USH2A: variants seen among roughly 807,000 people sequenced by gnomAD.
The protein encoded by USH2A is Usher syndrome 2A (autosomal recessive, mild).
A neutral mutation model predicts 538.9 loss-of-function variants in USH2A; 443 were observed. That is an observed-to-expected ratio of 0.82 (90% CI 0.76 to 0.89). The LOEUF (loss-of-function observed/expected upper bound fraction) is 0.89. Among genes scored for constraint, USH2A ranks in the 40% least tolerant of loss-of-function variants. USH2A has a pLI of 0.00. For missense variants in USH2A, 6,633 were observed against 6,324.8 expected (o/e 1.05, Z -1.65); for synonymous variants, 2,413 against 2,273.5 (o/e 1.06, Z -1.75).
At position 215,674,359 on chromosome 1, in the gene USH2A, T is replaced by G; in HGVS notation, c.13552A>C (p.Ile4518Leu). Residue 4518 changes from isoleucine to leucine, a missense_variant, in exon 63 of 72, where the codon ATT becomes CTT. By Grantham distance (5) the Ile-to-Leu change is conservative. Coordinates refer to ENST00000307340, the MANE Select transcript of USH2A (RefSeq NM_206933.4). ...CGATCTTTGACAAGAGGACTCAAAA[T>G]ACCCCCTTGGCTGTTGCTGGCAGTT... ...TVTASNSQGG[I>L]LSPLVKDRTS... is the part of the protein sequence containing the mutation. 6.2e-7 allele frequency: 1 copy of G among 1,613,962 alleles called. No individual in the cohort carries two copies. The highest frequency in any genetic ancestry group is 8.5e-7 in the Non-Finnish European group (1 of 1,179,900).
intron 47 of USH2A, among the ~76,000 whole-genome samples, chr1:215,819,045 C>T (rs1402456856): frequency 6.6e-6 from 1 of 151,532 alleles, no homozygotes; most frequent in African/African-American, 2.4e-5. Flanking sequence ...TTTTATGATT[C>T]TAGAATTTCT....
At chr1:216,307,387 A>G (rs1168107044) in intron 9 of USH2A, among the ~76,000 whole-genome samples, 6 of 152,018 alleles carry the variant, frequency 3.9e-5, no homozygotes, top group Non-Finnish European at 7.4e-5. Flanking sequence ...CTCCCATGCA[A>G]CCCAAAAGGC....
chr1:215,989,876 T>C (rs978252381), intron 35 of USH2A, among the ~76,000 whole-genome samples: 1 of 152,032 alleles, frequency 6.6e-6, no homozygotes, highest in Non-Finnish European at 1.5e-5. Context: ...TTGGAAAATG[T>C]AGTAAATACC....
intron 13 of USH2A, among the ~76,000 whole-genome samples, chr1:216,242,485 C>G (rs2035958984): frequency 6.6e-6 from 1 of 151,902 alleles, no homozygotes; most frequent in Non-Finnish European, 1.5e-5. Context: ...ACAAGGTCAT[C>G]TCATTGGGCT....
Position 216,418,741 on chromosome 1 carries a change from T to G in USH2A, c.486-62A>C, listed in dbSNP as rs1022412971. ...ATCCAACCAAAAAGACATGCTAAGG[T>G]ATTGTGCAGTTACAGTGGTGTTAAA... is the stretch of plus-strand genomic sequence containing the variant. On this transcript the variant is annotated intron_variant, in intron 2 of 71. Coordinates refer to ENST00000307340, the MANE Select transcript of USH2A (RefSeq NM_206933.4). 2.5e-6 allele frequency: 4 copies of G among 1,585,620 alleles called. No individual in the cohort carries two copies. In the African/African-American group the frequency reaches 5.4e-5, roughly 21 times the overall value.
Position 216,370,677 on chromosome 1 carries a change from CAA to C in USH2A, c.652-5594_652-5593del, listed in dbSNP as rs58845914. ...TGGGGAACAGAGCCAGACTCTGTCT[CAA>C]AAAAAAAAAAAAAAAAAAAAAAATA... On this transcript the variant is annotated intron_variant, in intron 3 of 71. Coordinates refer to ENST00000307340, the MANE Select transcript of USH2A (RefSeq NM_206933.4). 2.0e-3 allele frequency among the ~76,000 whole-genome samples: 61 copies of C among 29,988 alleles called. 1 individual carries two copies. The highest frequency in any genetic ancestry group is 2.9e-3 in the East Asian group (2 of 698). The allele number at this position is 29,988 out of a possible 152,430, so 19.7% of individuals were successfully genotyped here.
intron 63 of USH2A, among the ~76,000 whole-genome samples, chr1:215,673,076 A>G (rs905068299): frequency 3.9e-5 from 6 of 152,200 alleles, no homozygotes; most frequent in Admixed American, 3.9e-4. Context: ...TAATGCCCTG[A>G]ATCAGTGTAA....
At chr1:216,355,359 GAAAGAAAGAAA>G (rs2038370867) in intron 4 of USH2A, among the ~76,000 whole-genome samples, 1 of 149,458 alleles carries the variant, frequency 6.7e-6, no homozygotes, top group Non-Finnish European at 1.5e-5. Context: ...AAGAAAGAAA[GAAAGAAAGAAA>G]GAAAGAAGGA....
intron 4 of USH2A, among the ~76,000 whole-genome samples, chr1:216,346,297 G>A (rs545970316): frequency 1.4e-4 from 21 of 151,834 alleles, no homozygotes; most frequent in African/African-American, 5.1e-4. Context: ...GGGACTCCTT[G>A]GGAAAAAAAG....
intron 9 of USH2A, among the ~76,000 whole-genome samples, chr1:216,295,560 T>C (rs2037088091): frequency 6.6e-6 from 1 of 152,118 alleles, no homozygotes; most frequent in Non-Finnish European, 1.5e-5. Flanking sequence ...AATTACATTT[T>C]ATCAAATTAT....
chr1:216,220,115 T>C (rs774120460), intron 14 of USH2A, among the ~76,000 whole-genome samples: 1 of 152,066 alleles, frequency 6.6e-6, no homozygotes, highest in Non-Finnish European at 1.5e-5. Context: ...GTTTCAGTAA[T>C]GCACATCATT....
intron 47 of USH2A, among the ~76,000 whole-genome samples, chr1:215,823,364 A>G (rs149431343): frequency 4.1e-4 from 62 of 152,110 alleles, no homozygotes; most frequent in African/African-American, 1.5e-3. Context: ...ATGTCATCCC[A>G]CTTCCTCCTA....
chr1:216,280,705 T>TACA (rs10669218), intron 11 of USH2A, among the ~76,000 whole-genome samples: 115,666 of 151,672 alleles, frequency 0.76, 44,103 homozygotes, highest in East Asian at 0.8. Flanking sequence ...AAGGAAGAAT[T>TACA]ACAACATTTC....
In USH2A at chr1:216,292,176, T is replaced by C. The variant is rs950551285; in HGVS notation, c.1839A>G (p.Thr613=). 2 of 1,614,058 alleles carry C rather than the reference T, an allele frequency of 1.2e-6. No homozygotes were observed. Among genetic ancestry groups the C allele is most frequent in the Non-Finnish European group, 1.7e-6 (2 of 1,179,928 alleles). Residue 613 remains threonine, a splice_region_variant and synonymous_variant, in exon 10 of 72, where the codon ACA becomes ACG. Transcript: ENST00000307340. ...CTCAGGAATTTATTTGCTACTTACC[T>C]GTAGTGTTATGCTCACAATCATCAC... ...GVCDDCEHNT[T]GRNCELCKDY...
chr1:216,299,709 C>G (rs1391301081), intron 9 of USH2A, among the ~76,000 whole-genome samples: 3 of 152,104 alleles, frequency 2.0e-5, no homozygotes, highest in Non-Finnish European at 4.4e-5. Flanking sequence ...TTTTAAATTA[C>G]ACACAGATGA....
intron 38 of USH2A, among the ~76,000 whole-genome samples, chr1:215,910,130 G>A (rs1011211008): frequency 6.6e-6 from 1 of 151,884 alleles, no homozygotes; most frequent in African/African-American, 2.4e-5. Context: ...TAGAATGCTT[G>A]TTCATGAATC....
chr1:216,282,242 T>TA (rs1299797103), intron 11 of USH2A, among the ~76,000 whole-genome samples: 30 of 152,196 alleles, frequency 2.0e-4, no homozygotes, highest in African/African-American at 7.0e-4. Context: ...AAGTCCAACT[T>TA]ACACATTTTA....
chr1:216,377,855 GAAAGAAA>G (rs2038861025), intron 3 of USH2A, among the ~76,000 whole-genome samples: 1 of 134,250 alleles, frequency 7.4e-6, no homozygotes, highest in African/African-American at 2.7e-5. Flanking sequence ...AAGAAAGAAA[GAAAGAAA>G]GAAAGAAGGA....
At chr1:216,222,082 A>AGAG (rs2035466655) in intron 14 of USH2A, among the ~76,000 whole-genome samples, 1 of 152,196 alleles carries the variant, frequency 6.6e-6, no homozygotes, top group Non-Finnish European at 1.5e-5. Flanking sequence ...AGAGAAATGT[A>AGAG]TAGGGTAGAG....
Sources: allele counts gnomAD v4.1 joint callset (sites outside exome capture counted in the v4.1 genomes callset), GRCh38; gene constraint gnomAD v4.1.1; transcripts MANE v1.5; gene names NCBI Gene and HGNC (gene_info 2026-07-23, HGNC 2026-07-21).